The following PLPPR5 variants were observed in gnomAD, a reference collection of about 807,000 sequenced individuals.
The protein encoded by PLPPR5 is phospholipid phosphatase related 5.
A neutral mutation model predicts 33.9 loss-of-function variants in PLPPR5; 16 were observed. That is an observed-to-expected ratio of 0.47 (90% CI 0.32 to 0.72). PLPPR5 has a LOEUF of 0.72. Ranked by LOEUF, PLPPR5 falls within the 30% of genes least tolerant of loss-of-function variation. The pLI is 0.03. For missense variants in PLPPR5, 301 were observed against 406.7 expected, an observed-to-expected ratio of 0.74 and a Z score of 2.23; for synonymous variants, 163 against 150.3, an observed-to-expected ratio of 1.08 and a Z score of -0.62.
At chr1:98,895,184 T>C (rs77164331) in intron 5 of PLPPR5, among the ~76,000 whole-genome samples, 1,804 of 152,136 alleles carry the variant, frequency 0.012, 17 homozygotes, top group Non-Finnish European at 0.019. Context: ...CACTAGAGTG[T>C]TGCCCTCATG....
At chr1:98,958,348 T>C (rs1260008141) in intron 1 of PLPPR5, among the ~76,000 whole-genome samples, 1 of 152,188 alleles carries the variant, frequency 6.6e-6, no homozygotes, top group Non-Finnish European at 1.5e-5. Flanking sequence ...TAAAAGATTA[T>C]GAGATACCTC....
intron 3 of PLPPR5, among the ~76,000 whole-genome samples, chr1:98,934,640 A>G (rs949390721): frequency 6.6e-6 from 1 of 152,226 alleles, no homozygotes; most frequent in African/African-American, 2.4e-5. Context: ...ACAAGTAAGA[A>G]TAACTGAGGT....
intron 2 of PLPPR5, 79 bp downstream of exon 2, chr1:98,956,530 A>C: frequency 7.4e-7 from 1 of 1,351,994 alleles, no homozygotes; most frequent in Non-Finnish European, 9.8e-7. Flanking sequence ...CAAACAGTTA[A>C]CATGTGGGTT....
At chr1:98,926,293 C>A (rs1354264487) in intron 3 of PLPPR5, among the ~76,000 whole-genome samples, 1 of 152,072 alleles carries the variant, frequency 6.6e-6, no homozygotes, top group African/African-American at 2.4e-5. Context: ...CTGACCAGCC[C>A]AGAGTGCAGT....
intron 5 of PLPPR5, among the ~76,000 whole-genome samples, chr1:98,895,626 G>T (rs966851307): frequency 5.9e-5 from 9 of 151,874 alleles, no homozygotes; most frequent in African/African-American, 2.2e-4. Flanking sequence ...TAAACTACAA[G>T]GACAACAGTT....
chr1:98,967,853 G>C (rs928654434), intron 1 of PLPPR5, among the ~76,000 whole-genome samples: 2 of 152,100 alleles, frequency 1.3e-5, no homozygotes, highest in Admixed American at 1.3e-4. Context: ...ATGGATTAGT[G>C]TTTTTGGTAA....
At chr1:98,952,973 T>A in intron 3 of PLPPR5, 97 bp downstream of exon 3, 4 of 1,426,912 alleles carry the variant, frequency 2.8e-6, no homozygotes, top group Non-Finnish European at 3.8e-6. Context: ...TGAATGTGCT[T>A]TAAGTGACTT....
chr1:98,914,167 T>G (rs1477146870), intron 5 of PLPPR5, among the ~76,000 whole-genome samples: 1 of 152,222 alleles, frequency 6.6e-6, no homozygotes, highest in Non-Finnish European at 1.5e-5. Context: ...CAAGTAAAAC[T>G]ATTTTATTTT....
intron 1 of PLPPR5, among the ~76,000 whole-genome samples, chr1:98,986,082 A>C (rs1386585765): frequency 6.6e-6 from 1 of 152,020 alleles, no homozygotes; most frequent in Non-Finnish European, 1.5e-5. Flanking sequence ...CGTTTCAAAA[A>C]TATTTTTTCA....
At chr1:98,937,936 A>C (rs1650232843) in intron 3 of PLPPR5, among the ~76,000 whole-genome samples, 1 of 152,220 alleles carries the variant, frequency 6.6e-6, no homozygotes, top group Admixed American at 6.5e-5. Flanking sequence ...CTTTTGTTAC[A>C]TAATCTGTAA....
At chr1:98,899,713 C>T (rs542590632) in intron 5 of PLPPR5, among the ~76,000 whole-genome samples, 26 of 139,042 alleles carry the variant, frequency 1.9e-4, no homozygotes, top group Admixed American at 1.1e-3. Flanking sequence ...GGCTGTAGTG[C>T]GGTAGTGAGA....
intron 5 of PLPPR5, 40 bp downstream of exon 5, chr1:98,914,746 G>T (rs1649278111): frequency 1.3e-6 from 2 of 1,546,852 alleles, no homozygotes; most frequent in South Asian, 1.2e-5. Flanking sequence ...TGATTCATTT[G>T]CTCTAGTTAT....
At chr1:98,932,741 T>C (rs1014642779) in intron 3 of PLPPR5, among the ~76,000 whole-genome samples, 5 of 152,134 alleles carry the variant, frequency 3.3e-5, no homozygotes, top group African/African-American at 1.2e-4. Context: ...GCATGCACAT[T>C]AGTTGGTTAT....
At chr1:98,903,108 C>T (rs1049470421) in intron 5 of PLPPR5, among the ~76,000 whole-genome samples, 1 of 151,988 alleles carries the variant, frequency 6.6e-6, no homozygotes, top group African/African-American at 2.4e-5. Context: ...TTTTAAGCTT[C>T]CACTTTCAAT....
Position 98,969,951 on chromosome 1 carries a change from C to A in PLPPR5, c.238-13210G>T, listed in dbSNP as rs572528218. Among the ~76,000 whole-genome samples the A allele has an allele frequency of 1.2e-4, 19 of 152,062 alleles. No homozygotes were observed. In the East Asian group the frequency reaches 3.5e-3, roughly 28 times the overall value. ...ATAGGCTTTTGAGGTGACAGCTCTG[C>A]CTAAGAAAGCAGAAACAGTATTCCT... On this transcript the variant is annotated intron_variant, in intron 1 of 5. Coordinates refer to ENST00000263177, the MANE Select transcript of PLPPR5 (RefSeq NM_001037317.2).
chr1:98,974,539 C>T (rs990280153), intron 1 of PLPPR5, among the ~76,000 whole-genome samples: 3 of 152,022 alleles, frequency 2.0e-5, no homozygotes, highest in Admixed American at 2.0e-4. Flanking sequence ...GGTCCTTCAT[C>T]CTGTTTCATT....
chr1:98,895,913 G>A (rs934655709), intron 5 of PLPPR5, among the ~76,000 whole-genome samples: 3 of 152,016 alleles, frequency 2.0e-5, no homozygotes, highest in African/African-American at 7.2e-5. Context: ...CATAGTACAT[G>A]AAAGGAGTGT....
chr1:98,976,433 A>C (rs1651856808), intron 1 of PLPPR5, among the ~76,000 whole-genome samples: 1 of 152,106 alleles, frequency 6.6e-6, no homozygotes, highest in Admixed American at 6.6e-5. Flanking sequence ...TTAAAAATCT[A>C]TTCAGATATA....
Position 98,890,505 on chromosome 1 carries a change from T to A in PLPPR5, c.*2567A>T, listed in dbSNP as rs1648235411. 6.6e-6 allele frequency: 1 copy of A among 152,508 alleles called. No homozygotes were observed. 9.4% of individuals were successfully genotyped at this position (152,508 alleles called of 1,614,324 possible). A position where few individuals can be genotyped will look rare whatever the true frequency, so the allele number is the denominator to read the frequency against. ...GAATCAGATAAAACATGTGCAGAAT[T>A]TCTGCCATGCAAACAGAGACTACCG... On this transcript the variant is annotated 3_prime_UTR_variant, in exon 6 of 6. Coordinates refer to ENST00000263177, the MANE Select transcript of PLPPR5 (RefSeq NM_001037317.2).
Sources: gnomAD v4.1 joint callset for allele counts (sites outside exome capture counted in the v4.1 genomes callset) on GRCh38, gnomAD v4.1.1 for gene constraint, MANE v1.5 for transcripts, NCBI Gene and HGNC (gene_info 2026-07-23, HGNC 2026-07-21) for gene names.